The following GALNT13 variants were observed in gnomAD, a reference collection of about 807,000 sequenced individuals.
GALNT13 encodes UDP-GalNAc:polypeptide N-acetylgalactosaminyltransferase 13.
A neutral mutation model predicts 64.2 loss-of-function variants in GALNT13; 28 were observed. That is an observed-to-expected ratio of 0.44 (90% confidence interval 0.32 to 0.60). GALNT13 has a LOEUF of 0.60. GALNT13 is among the 20% of genes least tolerant of loss of function. The pLI is 0.05. For synonymous variants in GALNT13, 214 were observed against 224.6 expected (o/e 0.95, Z 0.42); for missense variants, 577 against 669.8 (o/e 0.86, Z 1.53).
chr2:153,777,981 A>T, the GALNT13 span, among the ~76,000 whole-genome samples: 1 of 152,196 alleles, frequency 6.6e-6, no homozygotes, highest in African/African-American at 2.4e-5. Context: ...GAGTGGAAGT[A>T]GTTCTCAGCA....
At chr2:153,474,014 G>A in the GALNT13 span, among the ~76,000 whole-genome samples, 420 of 152,264 alleles carry the variant, frequency 2.8e-3, 1 homozygote, top group African/African-American at 9.6e-3. Context: ...ATGCGTAATC[G>A]ATCAGGTTAA....
At chr2:153,609,944 T>G in the GALNT13 span, among the ~76,000 whole-genome samples, 1 of 152,102 alleles carries the variant, frequency 6.6e-6, no homozygotes, top group African/African-American at 2.4e-5. Flanking sequence ...TAAAAGGACC[T>G]TGGCAGCCTT....
At chr2:153,850,544 A>G in the GALNT13 span, among the ~76,000 whole-genome samples, 1 of 152,242 alleles carries the variant, frequency 6.6e-6, no homozygotes, top group African/African-American at 2.4e-5. Flanking sequence ...CCAAGAAAGA[A>G]TCAGAAAAAT....
chr2:153,907,705 C>A (rs946878897), intron 2 of GALNT13, among the ~76,000 whole-genome samples: 1 of 151,946 alleles, frequency 6.6e-6, no homozygotes, highest in Non-Finnish European at 1.5e-5. Context: ...GCCTCCAGCT[C>A]CATCCATGTT....
At chr2:153,110,579 C>T in the GALNT13 span, among the ~76,000 whole-genome samples, 2 of 152,062 alleles carry the variant, frequency 1.3e-5, no homozygotes, top group South Asian at 4.1e-4. Flanking sequence ...CTAACTCTCC[C>T]TTTGCCTTTC....
the GALNT13 span, among the ~76,000 whole-genome samples, chr2:153,262,215 C>G: frequency 1.3e-5 from 2 of 152,182 alleles, no homozygotes; most frequent in African/African-American, 4.8e-5. Context: ...TCAGGGCCCA[C>G]AGTGTGTACT....
chr2:153,422,329 G>A, the GALNT13 span, among the ~76,000 whole-genome samples: 5,113 of 152,206 alleles, frequency 0.034, 305 homozygotes, highest in African/African-American at 0.12. Context: ...AAGGAAAAAC[G>A]TAAAGATGAG....
the GALNT13 span, among the ~76,000 whole-genome samples, chr2:153,082,612 T>C: frequency 1.2e-3 from 46 of 38,766 alleles, 1 homozygote; most frequent in African/African-American, 3.0e-3. Flanking sequence ...TATATATATA[T>C]ATATATACAC....
chr2:154,155,364 T>C (rs1684348215), intron 4 of GALNT13, among the ~76,000 whole-genome samples: 1 of 152,104 alleles, frequency 6.6e-6, no homozygotes, highest in Non-Finnish European at 1.5e-5. Flanking sequence ...AGATTTGTTT[T>C]AGTAAACATT....
chr2:153,404,929 G>A, the GALNT13 span, among the ~76,000 whole-genome samples: 6 of 152,144 alleles, frequency 3.9e-5, no homozygotes, highest in Non-Finnish European at 5.9e-5. Context: ...TTAGCTGTGG[G>A]ATAGGCTTCC....
At chr2:153,478,598 G>A in the GALNT13 span, 3 of 1,491,864 alleles carry the variant, frequency 2.0e-6, no homozygotes, top group African/African-American at 1.4e-5. Flanking sequence ...GAGCGGCGCG[G>A]GTCCGAGGGG....
the GALNT13 span, among the ~76,000 whole-genome samples, chr2:153,845,228 G>C: frequency 2.6e-5 from 4 of 152,258 alleles, 1 homozygote; most frequent in South Asian, 8.3e-4. Context: ...AAATACCTGA[G>C]ACTGGGTAAT....
the GALNT13 span, among the ~76,000 whole-genome samples, chr2:153,821,006 G>A: frequency 8.2e-6 from 1 of 122,132 alleles, no homozygotes; most frequent in African/African-American, 2.8e-5. Flanking sequence ...TCAAAGTAAA[G>A]AGTTGGAGAA....
the GALNT13 span, among the ~76,000 whole-genome samples, chr2:153,511,576 A>G: frequency 6.6e-6 from 1 of 152,204 alleles, no homozygotes; most frequent in Admixed American, 6.5e-5. Flanking sequence ...GATCTTGACC[A>G]CAGGAGGTTA....
chr2:153,154,535 T>C, the GALNT13 span, among the ~76,000 whole-genome samples: 2 of 152,316 alleles, frequency 1.3e-5, no homozygotes, highest in South Asian at 4.1e-4. Context: ...TGTTCCTGAT[T>C]TGGCTCTTGG....
At chr2:153,545,605 C>T in the GALNT13 span, among the ~76,000 whole-genome samples, 5 of 152,200 alleles carry the variant, frequency 3.3e-5, no homozygotes, top group Middle Eastern at 3.4e-3. Context: ...CCCAGCAGCC[C>T]GAGGGATAGA....
chr2:154,355,999 A>G (rs564046331), intron 9 of GALNT13, among the ~76,000 whole-genome samples: 1 of 152,110 alleles, frequency 6.6e-6, no homozygotes, highest in African/African-American at 2.4e-5. Context: ...TCTCTTTGAT[A>G]TTAAAATGGT....
intron 3 of GALNT13, among the ~76,000 whole-genome samples, chr2:154,131,345 C>CT (rs766616531): frequency 6.6e-6 from 1 of 152,090 alleles, no homozygotes; most frequent in Non-Finnish European, 1.5e-5. Context: ...TAGGAGTATG[C>CT]TTTTTCCTAA....
intron 9 of GALNT13, among the ~76,000 whole-genome samples, chr2:154,346,844 C>A (rs1273608671): frequency 6.6e-6 from 1 of 152,024 alleles, no homozygotes; most frequent in Non-Finnish European, 1.5e-5. Flanking sequence ...CTCTCCTAGA[C>A]CCTGGTCAAA....
Sources: allele counts gnomAD v4.1 joint callset (sites outside exome capture counted in the v4.1 genomes callset), GRCh38; gene constraint gnomAD v4.1.1; transcripts MANE v1.5; gene names NCBI Gene and HGNC (gene_info 2026-07-23, HGNC 2026-07-21).